The following PTPRT variants were observed in gnomAD, a reference collection of about 807,000 sequenced individuals.
PTPRT encodes the protein protein tyrosine phosphatase receptor type T, also known as receptor-type tyrosine-protein phosphatase T.
Under a neutral mutation model 176.8 loss-of-function variants are expected in PTPRT, and 56 were observed. The ratio of observed to expected loss-of-function variants is 0.32; its 90% CI spans 0.26 to 0.40. The LOEUF (loss-of-function observed/expected upper bound fraction) is 0.40. Among genes scored for constraint, PTPRT ranks in the 10% least tolerant of loss-of-function variants. The pLI, the probability that PTPRT is intolerant of heterozygous loss-of-function variation, is 1.00. For missense variants in PTPRT, 1,540 were observed against 1,908.2 expected (o/e 0.81, Z 3.60); for synonymous variants, 783 against 739.0 (o/e 1.06, Z -0.96).
At chr20:42,391,443 T>C (rs1177388760) in intron 9 of PTPRT, among the ~76,000 whole-genome samples, 3 of 152,126 alleles carry the variant, frequency 2.0e-5, no homozygotes, top group East Asian at 1.9e-4. Context: ...ACTGGAGCCA[T>C]AGCCAATGTC....
At chr20:42,720,802 A>G (rs929431798) in intron 6 of PTPRT, among the ~76,000 whole-genome samples, 2 of 152,200 alleles carry the variant, frequency 1.3e-5, no homozygotes, top group African/African-American at 4.8e-5. Context: ...TGCTTGTCAT[A>G]GAGGCATAGA....
At chr20:42,032,991 C>G in the PTPRT span, among the ~76,000 whole-genome samples, 3 of 150,060 alleles carry the variant, frequency 2.0e-5, no homozygotes, top group East Asian at 3.9e-4. Context: ...ACTATAATCT[C>G]AAGAAAGACC....
At chr20:42,515,266 C>A (rs1219545346) in intron 7 of PTPRT, among the ~76,000 whole-genome samples, 2 of 152,284 alleles carry the variant, frequency 1.3e-5, no homozygotes, top group East Asian at 1.9e-4. Flanking sequence ...AGGCGGATCA[C>A]AAGGTCAGGA....
intron 9 of PTPRT, among the ~76,000 whole-genome samples, chr20:42,414,084 C>T (rs1277775857): frequency 2.0e-5 from 3 of 152,090 alleles, no homozygotes; most frequent in Non-Finnish European, 4.4e-5. Context: ...AGCCCGCCTC[C>T]GCTTCCCAAA....
In PTPRT at chr20:42,893,808, C is replaced by A. The variant is rs1329501967; in HGVS notation, c.89-7876G>T. On this transcript the variant is annotated intron_variant, in intron 1 of 30. Transcript: ENST00000373187. The stretch of plus-strand genomic sequence containing the variant: ...TTCTCACTCATAGATGGGAATTGAA[C>A]AATGAGAACACATGGACACAGGAAG... Among the ~76,000 whole-genome samples, 782 of 147,024 alleles carry A rather than the reference C, an allele frequency of 5.3e-3. 2 individuals are homozygous for A. Among genetic ancestry groups the A allele is most frequent in the Admixed American group, 0.015 (221 of 14,632 alleles).
intron 9 of PTPRT, among the ~76,000 whole-genome samples, chr20:42,386,628 T>C (rs1278717300): frequency 6.6e-6 from 1 of 152,180 alleles, no homozygotes; most frequent in Non-Finnish European, 1.5e-5. Flanking sequence ...CTTGGGAGGC[T>C]GAGGCAGGTG....
chr20:42,703,754 C>T (rs537742296), intron 6 of PTPRT, among the ~76,000 whole-genome samples: 72 of 152,284 alleles, frequency 4.7e-4, no homozygotes, highest in African/African-American at 1.5e-3. Flanking sequence ...AGAAACATCA[C>T]GTGTGCCTTA....
chr20:43,036,009 T>TC (rs1346357492), intron 1 of PTPRT, among the ~76,000 whole-genome samples: 1 of 152,140 alleles, frequency 6.6e-6, no homozygotes, highest in Non-Finnish European at 1.5e-5. Context: ...CTCATTCCCC[T>TC]GGGCACCAGG....
intron 11 of PTPRT, among the ~76,000 whole-genome samples, chr20:42,328,605 T>G (rs2057918657): frequency 6.6e-6 from 1 of 152,078 alleles, no homozygotes; most frequent in African/African-American, 2.4e-5. Flanking sequence ...AATCACTCAT[T>G]TTAAAAGAGT....
intron 6 of PTPRT, among the ~76,000 whole-genome samples, chr20:42,741,034 G>A (rs575290064): frequency 1.8e-4 from 27 of 152,326 alleles, no homozygotes; most frequent in African/African-American, 6.3e-4. Context: ...ATTAAGGGGA[G>A]CTGAGTTCCA....
chr20:43,112,899 C>T lies in PTPRT; in HGVS notation c.88+76747G>A, dbSNP rs555898760. On this transcript the variant is annotated intron_variant, in intron 1 of 30. Coordinates refer to ENST00000373187, the MANE Select transcript of PTPRT (RefSeq NM_007050.6). ...ACTCATTCATGATATAAACGTATCTCCTGGGGTTTTGCGTGTAACTCATTC... is the reference window on the plus strand; with the variant it reads ...ACTCATTCATGATATAAACGTATCTTCTGGGGTTTTGCGTGTAACTCATTC... Among the ~76,000 whole-genome samples the T allele has an allele frequency of 3.3e-5, 5 of 151,878 alleles. No individual in the cohort carries two copies. In the East Asian group the frequency reaches 9.7e-4, roughly 29 times the overall value.
At chr20:42,783,454 A>T (rs1425011544) in intron 3 of PTPRT, among the ~76,000 whole-genome samples, 2 of 152,200 alleles carry the variant, frequency 1.3e-5, no homozygotes, top group Admixed American at 1.3e-4. Context: ...AGGAAGTAAA[A>T]ATGGTAATAA....
chr20:42,377,183 G>A (rs1182975360), intron 9 of PTPRT, among the ~76,000 whole-genome samples: 1 of 152,110 alleles, frequency 6.6e-6, no homozygotes, highest in Non-Finnish European at 1.5e-5. Context: ...AACATTCAGG[G>A]GCAATAGAAG....
At chr20:42,374,096 A>C (rs556006424) in intron 9 of PTPRT, among the ~76,000 whole-genome samples, 2 of 152,336 alleles carry the variant, frequency 1.3e-5, no homozygotes, top group South Asian at 2.1e-4. Flanking sequence ...TAAATAAAAA[A>C]GCAATGACCT....
intron 7 of PTPRT, among the ~76,000 whole-genome samples, chr20:42,506,933 G>A (rs568390362): frequency 5.6e-4 from 85 of 152,132 alleles, no homozygotes; most frequent in Middle Eastern, 3.4e-3. Context: ...TGGATCCTAG[G>A]ATCTGACCAC....
chr20:42,373,225 T>A (rs1269248234), intron 9 of PTPRT, among the ~76,000 whole-genome samples: 2 of 152,166 alleles, frequency 1.3e-5, no homozygotes, highest in African/African-American at 4.8e-5. Context: ...GGTGAGTGAC[T>A]TAGTCAAGGT....
chr20:42,510,848 A>T (rs2071941804), intron 7 of PTPRT, among the ~76,000 whole-genome samples: 1 of 152,190 alleles, frequency 6.6e-6, no homozygotes, highest in South Asian at 2.1e-4. Context: ...CAAAAGCATT[A>T]GCAAAGGCCT....
At chr20:42,472,688 A>G in intron 7 of PTPRT, 126 bp from the exon 8 acceptor site, 2 of 962,566 alleles carry the variant, frequency 2.1e-6, no homozygotes, top group Non-Finnish European at 3.0e-6. Context: ...CACTGCCATC[A>G]TGATTTTTGA....
intron 1 of PTPRT, among the ~76,000 whole-genome samples, chr20:43,002,468 T>A (rs1046701099): frequency 6.6e-6 from 1 of 152,184 alleles, no homozygotes; most frequent in Non-Finnish European, 1.5e-5. Flanking sequence ...ACTAAATCAT[T>A]ATAAAATCAA....
Sources: gnomAD v4.1 joint callset for allele counts (sites outside exome capture counted in the v4.1 genomes callset) on GRCh38, gnomAD v4.1.1 for gene constraint, MANE v1.5 for transcripts, NCBI Gene and HGNC (gene_info 2026-07-23, HGNC 2026-07-21) for gene names.